The following METTL5 variants were observed in gnomAD, a reference collection of about 807,000 sequenced individuals.
The protein encoded by METTL5 is rRNA N(6)-adenosine-methyltransferase METTL5.
METTL5 carries 28 observed loss-of-function variants against 26.5 expected under a neutral mutation model. That is an observed-to-expected ratio of 1.06 (90% CI 0.78 to 1.45). The LOEUF (loss-of-function observed/expected upper bound fraction) is 1.45, where lower values mean the gene tolerates loss of function less well. METTL5 is among the 40% of genes most tolerant of loss of function. The pLI is 0.00. For synonymous variants in METTL5, 86 were observed against 82.6 expected (o/e 1.04, Z -0.22); for missense variants, 231 against 249.9 (o/e 0.92, Z 0.51).
rs546925023 is a variant in METTL5, at chr2:169,819,954, T to A, written c.407-311A>T. 1.9e-3 allele frequency among the ~76,000 whole-genome samples: 264 copies of A among 137,056 alleles called. 3 individuals carry two copies. The highest frequency in any genetic ancestry group is 8.7e-4 in the East Asian group (4 of 4,574). The allele number at this position is 137,056 out of a possible 152,430, so 89.9% of individuals were successfully genotyped here. ...TCATCTTGGTGGGGGCAGGGTACTT[T>A]TTAAACTATGCATGTCTTTTTTTTT... On this transcript the variant is annotated intron_variant, in intron 3 of 6. Transcript: ENST00000260953.
chr2:169,824,299 T>G (rs2081623143), intron 1 of METTL5, 190 bp downstream of exon 1: 1 of 549,656 alleles, frequency 1.8e-6, no homozygotes, highest in African/African-American at 1.9e-5. Flanking sequence ...GACAGTAAAA[T>G]GATAGTGTGT....
chr2:169,818,744 G>A (rs1437654434), intron 4 of METTL5, among the ~76,000 whole-genome samples: 1 of 152,074 alleles, frequency 6.6e-6, no homozygotes, highest in African/African-American at 2.4e-5. Context: ...TTGAATACAT[G>A]TATGATTTAA....
intron 5 of METTL5, among the ~76,000 whole-genome samples, chr2:169,813,804 T>G (rs1017926819): frequency 3.3e-5 from 5 of 151,956 alleles, no homozygotes; most frequent in Admixed American, 3.3e-4. Flanking sequence ...AGGTGGAGGT[T>G]GCAGTGAGCC....
Position 169,815,486 on chromosome 2 carries a change from T to C in METTL5, c.532A>G (p.Ile178Val). ...TTGAGATTTGTCTTACCTGCTATAA[T>C]ATCTATCTTGATTTTCCATTCTGCA... ...KAAEWKIKID[I>V]IAELRYDLPA... The change falls in exon 5 of 7, where the codon ATT becomes GTT. Residue 178 changes from isoleucine to valine, a missense_variant. Coordinates refer to ENST00000260953, the MANE Select transcript of METTL5 (RefSeq NM_014168.4). 1.2e-6 allele frequency: 2 copies of C among 1,603,504 alleles called. No individual in the cohort carries two copies. The highest frequency in any genetic ancestry group is 1.7e-6 in the Non-Finnish European group (2 of 1,172,416).
chr2:169,812,545 C>T, intron 5 of METTL5, 39 bp from the exon 6 acceptor site: 1 of 1,605,176 alleles, frequency 6.2e-7, no homozygotes, highest in Non-Finnish European at 8.5e-7. Context: ...AATTGTATTT[C>T]CAAGCGTTTA....
chr2:169,821,204 C>G lies in METTL5; in HGVS notation c.294G>C (p.Glu98Asp). 6.2e-7 allele frequency: 1 copy of G among 1,612,720 alleles called. No individual in the cohort carries two copies. The highest frequency in any genetic ancestry group is 8.5e-7 in the Non-Finnish European group (1 of 1,179,268). ...EIFNRNAEEFELTNIDMVQCD... is the reference protein window; with the variant it reads ...EIFNRNAEEFDLTNIDMVQCD... ...ATTGAACCATGTCAATATTTGTTAA[C>G]TCAAACTCTTCTGCATTCCTATTAA... Residue 98 changes from glutamate to aspartate, a missense_variant, in exon 3 of 7, where the codon GAG (glutamate) becomes GAC (aspartate). Coordinates refer to ENST00000260953, the MANE Select transcript of METTL5 (RefSeq NM_014168.4).
chr2:169,815,359 T>A, intron 5 of METTL5, 118 bp downstream of exon 5: 1 of 667,334 alleles, frequency 1.5e-6, no homozygotes, highest in East Asian at 2.6e-5. Flanking sequence ...CTATTACCAA[T>A]CATGCACATT....
chr2:169,821,109 C>T lies in METTL5; in HGVS notation c.389G>A (p.Gly130Glu), dbSNP rs1357204182. 1 of 1,591,854 alleles carries T rather than the reference C, an allele frequency of 6.3e-7. No homozygotes were observed. Among genetic ancestry groups the T allele is most frequent in the Non-Finnish European group, 8.5e-7 (1 of 1,172,782 alleles). ...TTACAAACCTTTATTATTTTTGGTC[C>T]CAAAGGGAGGATTCATAATTACTGT... ...FDTVIMNPPF[G>E]TKNNKGTDMA... The change falls in exon 3 of 7, where the codon GGG (glycine) becomes GAG (glutamate). Residue 130 changes from glycine (G) to glutamate (E), a missense_variant. Transcript: ENST00000260953.
chr2:169,816,942 T>C (rs2081516183), intron 4 of METTL5, among the ~76,000 whole-genome samples: 1 of 152,032 alleles, frequency 6.6e-6, no homozygotes, highest in Non-Finnish European at 1.5e-5. Flanking sequence ...ATAAATGGGA[T>C]CTAATTAAAC....
In METTL5 at chr2:169,824,531, T is replaced by G. The variant is rs752512641; in HGVS notation, c.67A>C (p.Lys23Gln). 2.3e-5 allele frequency: 37 copies of G among 1,614,088 alleles called. No homozygotes were observed. Among genetic ancestry groups the G allele is most frequent in the Non-Finnish European group, 1.4e-5 (16 of 1,180,032 alleles). ...GTAGGATACTGTTCCAGAAGTAGCT[T>G]GGGCTTTTCAAATCCATCCACTTGT... ...LQQVDGFEKPKLLLEQYPTRP... is the reference protein window; with the variant it reads ...LQQVDGFEKPQLLLEQYPTRP... The change falls in exon 1 of 7, where the codon AAG (lysine) becomes CAG (glutamine). Residue 23 changes from lysine to glutamine, a missense_variant. By Grantham distance (53) the Lys-to-Gln change is moderately conservative. Transcript: ENST00000260953.
In METTL5 at chr2:169,824,718, G is replaced by A. The variant is rs578244448; in HGVS notation, c.-121C>T. ...TCTCCCTTTTTCAGCACCGCTGGCC[G>A]GACCCGAAGACGCGCCCTAAGGAGA... On this transcript the variant is annotated 5_prime_UTR_variant, in exon 1 of 7. Coordinates refer to ENST00000260953, the MANE Select transcript of METTL5 (RefSeq NM_014168.4). 1.4e-5 allele frequency: 11 copies of A among 808,802 alleles called. No homozygotes were observed. Among genetic ancestry groups the A allele is most frequent in the Non-Finnish European group, 2.2e-5 (11 of 489,490 alleles). The allele number at this position is 808,802 out of a possible 1,614,324, so 50.1% of individuals were successfully genotyped here.
At chr2:169,812,286 G>A (rs1205887436) in intron 6 of METTL5, 171 bp downstream of exon 6, 4 of 1,031,002 alleles carry the variant, frequency 3.9e-6, no homozygotes, top group South Asian at 1.4e-5. Flanking sequence ...TATCGCGCAG[G>A]CTGGAGTTCA....
chr2:169,813,872 C>CA lies in METTL5; in HGVS notation c.542-1367dup, dbSNP rs1316676315. On this transcript the variant is annotated intron_variant, in intron 5 of 6. Transcript: ENST00000260953. ...CAGAGGGAGACTCCATCTCAAACAA[C>CA]AAAAAAACACCCCTACTGAAAATAA... Among the ~76,000 whole-genome samples, 6 of 151,278 alleles carry CA rather than the reference C, an allele frequency of 4.0e-5. No homozygotes were observed. In the East Asian group the frequency reaches 7.8e-4, roughly 20 times the overall value.
intron 1 of METTL5, 54 bp from the exon 2 acceptor site, chr2:169,822,111 T>A: frequency 6.4e-7 from 1 of 1,564,404 alleles, no homozygotes; most frequent in Non-Finnish European, 8.6e-7. Context: ...TAAAATCTAA[T>A]TTGTGCAAAT....
rs1242625755 is a variant in METTL5, at chr2:169,812,050, T to C, written c.592-192A>G. The stretch of plus-strand genomic sequence containing the variant: ...ACTAACTAATAAAATATATACTATA[T>C]GAAAAGAGCAAAAACAGTTTTTGAT... On this transcript the variant is annotated intron_variant, in intron 6 of 6. Coordinates refer to ENST00000260953, the MANE Select transcript of METTL5 (RefSeq NM_014168.4). The C allele has an allele frequency of 1.5e-5, 10 of 675,460 alleles. No homozygotes were observed. The South Asian group carries it at 2.0e-4, about 13-fold the overall frequency. 41.8% of individuals were successfully genotyped at this position (675,460 alleles called of 1,614,324 possible). A position where few individuals can be genotyped will look rare whatever the true frequency, so the allele number is the denominator to read the frequency against.
intron 1 of METTL5, 90 bp downstream of exon 1, chr2:169,824,399 T>C: frequency 9.4e-7 from 1 of 1,059,158 alleles, no homozygotes; most frequent in Non-Finnish European, 1.5e-6. Flanking sequence ...TCTCTAGACA[T>C]TCTCTGTATC....
At chr2:169,822,816 T>C (rs2081602764) in intron 1 of METTL5, among the ~76,000 whole-genome samples, 2 of 152,150 alleles carry the variant, frequency 1.3e-5, no homozygotes, top group Non-Finnish European at 2.9e-5. Flanking sequence ...ATACTCATGA[T>C]CTACAGACAT....
At chr2:169,814,936 G>T (rs570923852) in intron 5 of METTL5, among the ~76,000 whole-genome samples, 2 of 151,466 alleles carry the variant, frequency 1.3e-5, no homozygotes, top group African/African-American at 4.9e-5. Flanking sequence ...CTGTCATCCA[G>T]GCTGAAGAAC....
chr2:169,811,845 A>G lies in METTL5; in HGVS notation c.605T>C (p.Val202Ala). The G allele has an allele frequency of 6.2e-7, 1 of 1,613,648 alleles. No individual in the cohort carries two copies. Among genetic ancestry groups the G allele is most frequent in the South Asian group, 1.1e-5 (1 of 90,968 alleles). ...FHKKKSVDIE[V>A]DLIRFSF ...TTAAAAGGAAAACCGAATTAGGTCC[A>G]CTTCAATGTCCACCTGTGAGAAAGG... The change falls in exon 7 of 7, where the codon GTG becomes GCG. Residue 202 changes from valine to alanine, a missense_variant. By Grantham distance (64) the Val-to-Ala change is moderately conservative (BLOSUM62 0). Coordinates refer to ENST00000260953, the MANE Select transcript of METTL5 (RefSeq NM_014168.4).
Sources: gnomAD v4.1 joint callset for allele counts (sites outside exome capture counted in the v4.1 genomes callset) on GRCh38, gnomAD v4.1.1 for gene constraint, MANE v1.5 for transcripts, NCBI Gene and HGNC (gene_info 2026-07-23, HGNC 2026-07-21) for gene names.